Variants in DNAH8 observed in about 807,000 individuals in gnomAD.
DNAH8 encodes the protein dynein axonemal heavy chain 8.
In DNAH8, 382 loss-of-function variants were observed where a neutral mutation model predicts 562.1. The ratio of observed to expected loss-of-function variants is 0.68; its 90% CI spans 0.63 to 0.74. The LOEUF (loss-of-function observed/expected upper bound fraction) is 0.74. Among genes scored for constraint, DNAH8 ranks in the 30% least tolerant of loss-of-function variants. DNAH8 has a pLI of 0.00. For synonymous variants in DNAH8, 1,881 were observed against 1,919.4 expected, an observed-to-expected ratio of 0.98 and a Z score of 0.52; for missense variants, 5,203 against 5,620.4, an observed-to-expected ratio of 0.93 and a Z score of 2.37.
At chr6:38,747,631 C>G (rs778085503) in intron 8 of DNAH8, among the ~76,000 whole-genome samples, 3 of 152,112 alleles carry the variant, frequency 2.0e-5, no homozygotes, top group African/African-American at 7.2e-5. Context: ...GTGATCTGCC[C>G]GCCTTGGCTG....
rs763579484 is a variant in DNAH8 at position 38,737,911 on chromosome 6, A to T, written c.1055A>T (p.Asn352Ile). 1.9e-6 allele frequency: 3 copies of T among 1,607,338 alleles called. No homozygotes were observed. Among genetic ancestry groups the T allele is most frequent in the Non-Finnish European group, 1.7e-6 (2 of 1,177,466 alleles). ...TFEEVTAAAS[N>I]SETVHQLEEV... The stretch of plus-strand genomic sequence containing the variant: ...GAAGAAGTAACTGCTGCAGCCAGCA[A>T]CTCAGAAACTGTTCATCAGCTGGAG... Residue 352 changes from asparagine (N) to isoleucine (I), a missense_variant, in exon 7 of 93, where the codon AAC (asparagine) becomes ATC (isoleucine). Physicochemically the swap from Asn to Ile is moderately radical, Grantham distance 149 (BLOSUM62 -3). Transcript: ENST00000327475.
chr6:38,915,827 A>C (rs1392690611), intron 68 of DNAH8, among the ~76,000 whole-genome samples: 2 of 142,810 alleles, frequency 1.4e-5, no homozygotes, highest in Admixed American at 7.6e-5. Context: ...TTCAACCTCT[A>C]TATATAATAC....
Position 38,815,634 on chromosome 6 carries a change from G to C in DNAH8, c.3500G>C (p.Gly1167Ala). Residue 1167 changes from glycine to alanine, a missense_variant, in exon 26 of 93, where the codon GGA becomes GCA. Physicochemically the swap from Gly to Ala is moderately conservative, Grantham distance 60. This residue lies in a region of DNAH8 where 2,176 missense variants were observed against 2,365.1 expected (regional missense o/e 0.92). Transcript: ENST00000327475. ...TTTDVTHQNT[G>A]KLLKKEERSF... is the part of the protein sequence containing the mutation. ...ACTGACGTGACCCATCAAAACACAG[G>C]AAAACTGCTGAAGAAGGAAGAAAGT... 2 of 1,612,750 alleles carry C rather than the reference G, an allele frequency of 1.2e-6. No individual in the cohort carries two copies. The highest frequency in any genetic ancestry group is 1.7e-6 in the Non-Finnish European group (2 of 1,179,176).
chr6:38,794,029 G>C (rs1453245405), intron 21 of DNAH8, among the ~76,000 whole-genome samples: 1 of 152,152 alleles, frequency 6.6e-6, no homozygotes, highest in Non-Finnish European at 1.5e-5. Flanking sequence ...TTACCAAGTT[G>C]GGACAACTTT....
At chr6:38,993,901 G>C (rs546574541) in intron 88 of DNAH8, among the ~76,000 whole-genome samples, 2 of 152,186 alleles carry the variant, frequency 1.3e-5, no homozygotes, top group Admixed American at 1.3e-4. Context: ...TATGCTTGTG[G>C]ACTCTCATAT....
intron 7 of DNAH8, among the ~76,000 whole-genome samples, chr6:38,739,542 C>T (rs1057345115): frequency 2.0e-5 from 3 of 152,126 alleles, no homozygotes; most frequent in Admixed American, 1.3e-4. Flanking sequence ...CATGGTGGCT[C>T]ATGCTTGTAA....
chr6:38,815,766 G>T, intron 26 of DNAH8, 109 bp downstream of exon 26: 1 of 1,079,816 alleles, frequency 9.3e-7, no homozygotes, highest in Non-Finnish European at 1.3e-6. Context: ...TTAAAAAATA[G>T]TATGTTTCAT....
intron 80 of DNAH8, 125 bp from the exon 81 acceptor site, chr6:38,949,327 G>A (rs1761696613): frequency 1.4e-6 from 1 of 708,664 alleles, no homozygotes; most frequent in Non-Finnish European, 2.6e-6. Flanking sequence ...GGTTTAAACT[G>A]TGCTGTTATG....
intron 21 of DNAH8, 135 bp downstream of exon 21, chr6:38,791,809 C>G: frequency 1.2e-6 from 1 of 856,952 alleles, no homozygotes; most frequent in Non-Finnish European, 1.7e-6. Flanking sequence ...TGAACATTCT[C>G]TGCTCCAAGG....
intron 88 of DNAH8, among the ~76,000 whole-genome samples, chr6:38,994,791 C>T (rs1269691656): frequency 6.6e-6 from 1 of 151,726 alleles, no homozygotes; most frequent in Admixed American, 6.6e-5. Flanking sequence ...ATTACAGGTA[C>T]ATGCCACCAT....
intron 61 of DNAH8, among the ~76,000 whole-genome samples, chr6:38,898,800 CA>C (rs1448538564): frequency 3.9e-5 from 6 of 152,004 alleles, no homozygotes; most frequent in Non-Finnish European, 5.9e-5. Flanking sequence ...GGTGATGGGA[CA>C]GGGGTAAGGT....
Position 38,857,868 on chromosome 6 carries a change from C to T in DNAH8, c.5958+126C>T, listed in dbSNP as rs1017286635. 3.1e-5 allele frequency: 20 copies of T among 635,554 alleles called. 1 individual carries two copies. Among genetic ancestry groups the T allele is most frequent in the South Asian group, 1.4e-4 (7 of 49,094 alleles). The allele number at this position is 635,554 out of a possible 1,614,324, so 39.4% of individuals were successfully genotyped here. A position where few individuals can be genotyped will look rare whatever the true frequency, so the allele number is the denominator to read the frequency against. On this transcript the variant is annotated intron_variant, in intron 42 of 92. Coordinates refer to ENST00000327475, the MANE Select transcript of DNAH8 (RefSeq NM_001206927.2). ...CTTTTTCATAACTGTCCATCAATAT[C>T]GTGTCCACAGTATTGTATTTCTGTA...
chr6:38,805,865 A>G (rs542642835), intron 23 of DNAH8, among the ~76,000 whole-genome samples: 4 of 152,304 alleles, frequency 2.6e-5, no homozygotes, highest in African/African-American at 9.6e-5. Context: ...CATATAGTAA[A>G]TGTGACGTCA....
In DNAH8 at chr6:38,789,802, G is replaced by T; in HGVS notation, c.2584-1G>T. On this transcript the variant is annotated splice_acceptor_variant, in intron 18 of 92. Transcript: ENST00000327475. LOFTEE classifies it high-confidence loss of function. The stretch of plus-strand genomic sequence containing the variant: ...AAACATGCCATTTCAACTTCCTACA[G>T]GGTCTTCTGCAATATTATGATGAGT... 1 of 1,602,374 alleles carries T rather than the reference G, an allele frequency of 6.2e-7. No individual in the cohort carries two copies. Among genetic ancestry groups the T allele is most frequent in the Non-Finnish European group, 8.5e-7 (1 of 1,174,250 alleles).
chr6:38,853,033 A>G (rs1775883932), intron 40 of DNAH8, among the ~76,000 whole-genome samples, 153 bp from the exon 41 acceptor site: 1 of 152,198 alleles, frequency 6.6e-6, no homozygotes, highest in Non-Finnish European at 1.5e-5. Flanking sequence ...CAGCTATAGT[A>G]TTAGGTGATT....
rs191340033 is a variant in DNAH8, at chr6:38,856,748, C to G, written c.5734-770C>G. The stretch of plus-strand genomic sequence containing the variant: ...ATTCTTTCTTTTCTCACTGTTGAGC[C>G]CATGCCAAGCAGTATCCACATACTG... On this transcript the variant is annotated intron_variant, in intron 41 of 92. Transcript: ENST00000327475. 3.2e-3 allele frequency among the ~76,000 whole-genome samples: 480 copies of G among 152,200 alleles called. 14 individuals carry two copies. Among genetic ancestry groups the G allele is most frequent in the Admixed American group, 0.029 (441 of 15,272 alleles).
In DNAH8 at chr6:38,750,780, T is replaced by C. The variant is rs71571348; in HGVS notation, c.1407+191T>C. On this transcript the variant is annotated intron_variant, in intron 9 of 92. Transcript: ENST00000327475. ...AAGACCCCATCTATATAAAAAAAAA[T>C]AGTACAATTTAAGAAACTGACTTGT... Among the ~76,000 whole-genome samples, 10,876 of 151,840 alleles carry C rather than the reference T, an allele frequency of 0.072. 424 individuals carry two copies. Among genetic ancestry groups the C allele is most frequent in the South Asian group, 0.12 (553 of 4,796 alleles).
rs1439218660 is a variant in DNAH8, at chr6:38,873,136, C to A, written c.7468C>A (p.Pro2490Thr). ...YISSSALSWRPILQAWLKKRT... is the reference protein window; with the variant it reads ...YISSSALSWRTILQAWLKKRT... Reference sequence around the variant, plus strand: ...CAGCAGCTCTGCTCTCAGCTGGAGGCCAATCTTACAGGTGGGGCAGAGAGA... The same window carrying A: ...CAGCAGCTCTGCTCTCAGCTGGAGGACAATCTTACAGGTGGGGCAGAGAGA... The change falls in exon 51 of 93, where the codon CCA becomes ACA. Residue 2490 changes from proline to threonine, a missense_variant. Pro to Thr is a conservative substitution (Grantham distance 38, BLOSUM62 -1). Coordinates refer to ENST00000327475, the MANE Select transcript of DNAH8 (RefSeq NM_001206927.2). The A allele has an allele frequency of 6.2e-7, 1 of 1,613,404 alleles. No homozygotes were observed. The highest frequency in any genetic ancestry group is 1.7e-5 in the Admixed American group (1 of 60,020).
chr6:38,949,466 G>A lies in DNAH8; in HGVS notation c.12144G>A (p.Glu4048=). The part of the protein sequence containing the change: ...AEIMNQISRN[E]KGWKSWFDKD... The stretch of plus-strand genomic sequence containing the variant: ...GCTTCTTTTAGATATCTCGTAATGA[G>A]AAGGGGTGGAAAAGCTGGTTTGATA... The change falls in exon 81 of 93, where the codon GAG becomes GAA. Residue 4048 remains glutamate (E), a synonymous_variant. Coordinates refer to ENST00000327475, the MANE Select transcript of DNAH8 (RefSeq NM_001206927.2). 1 of 1,610,016 alleles carries A rather than the reference G, an allele frequency of 6.2e-7. No individual in the cohort carries two copies. The highest frequency in any genetic ancestry group is 1.7e-5 in the Admixed American group (1 of 60,010).
Sources: gnomAD v4.1 joint callset for allele counts (sites outside exome capture counted in the v4.1 genomes callset) on GRCh38, gnomAD v4.1.1 for gene constraint, gnomAD v4.1.1 regional missense constraint, MANE v1.5 for transcripts, NCBI Gene and HGNC (gene_info 2026-07-23, HGNC 2026-07-21) for gene names.